The following MTCL2 variants were observed in gnomAD, a reference collection of about 807,000 sequenced individuals.
MTCL2 encodes the protein microtubule cross-linking factor 2.
At chr20:36,837,588 TTA>T in the MTCL2 span, among the ~76,000 whole-genome samples, 2 of 147,830 alleles carry the variant, frequency 1.4e-5, no homozygotes, top group African/African-American at 4.9e-5. Flanking sequence ...ATTATTATTA[TTA>T]TTTTTGAGAC....
At chr20:36,804,068 G>A in the MTCL2 span, among the ~76,000 whole-genome samples, 5 of 151,884 alleles carry the variant, frequency 3.3e-5, no homozygotes, top group Non-Finnish European at 7.4e-5. Context: ...GGGTGACCTT[G>A]GGAGATAAAT....
chr20:36,819,203 G>A, the MTCL2 span, among the ~76,000 whole-genome samples: 3 of 152,342 alleles, frequency 2.0e-5, no homozygotes, highest in African/African-American at 7.2e-5. Context: ...TTAGATGCAC[G>A]ATTCTTTTGA....
the MTCL2 span, chr20:36,812,819 T>G: frequency 6.2e-7 from 1 of 1,612,826 alleles, no homozygotes; most frequent in Non-Finnish European, 8.5e-7. Context: ...GGGCTCCCAT[T>G]CCGGCAGGTC....
At chr20:36,788,303 T>C in the MTCL2 span, among the ~76,000 whole-genome samples, 1 of 151,444 alleles carries the variant, frequency 6.6e-6, no homozygotes, top group Non-Finnish European at 1.5e-5. Flanking sequence ...TGAGCTATGA[T>C]TGTGTCACTG....
At chr20:36,863,100 C>A in the MTCL2 span, 1 of 1,400,242 alleles carries the variant, frequency 7.1e-7, no homozygotes, top group Non-Finnish European at 9.3e-7. The surrounding 1 kb of genome is among the most constrained non-coding windows in gnomAD (Gnocchi z 6.2). Flanking sequence ...ACCCGCACCG[C>A]GCGCCCCGGG....
At chr20:36,799,110 C>T in the MTCL2 span, among the ~76,000 whole-genome samples, 51 of 152,126 alleles carry the variant, frequency 3.4e-4, no homozygotes, top group Non-Finnish European at 4.7e-4. Flanking sequence ...AATCCCAGCA[C>T]TTTGGGAGGC....
chr20:36,780,590 G>T, the MTCL2 span: 2 of 152,312 alleles, frequency 1.3e-5, no homozygotes, highest in East Asian at 3.9e-4. Flanking sequence ...GGCTGGGCTG[G>T]GGACACTGAG....
the MTCL2 span, among the ~76,000 whole-genome samples, chr20:36,822,759 CTT>C: frequency 5.0e-4 from 70 of 141,108 alleles, no homozygotes; most frequent in Middle Eastern, 3.6e-3. Context: ...ACTCTAGATT[CTT>C]TTTTTTTTTT....
the MTCL2 span, among the ~76,000 whole-genome samples, chr20:36,850,172 C>G: frequency 6.6e-6 from 1 of 152,124 alleles, no homozygotes; most frequent in African/African-American, 2.4e-5. Context: ...AATCTGAGCC[C>G]ACCCACTCCC....
At chr20:36,859,663 C>T in the MTCL2 span, 15 of 1,231,796 alleles carry the variant, frequency 1.2e-5, no homozygotes, top group African/African-American at 1.5e-5. Context: ...CAGACCATAC[C>T]AGACTGGAGA....
At chr20:36,823,865 C>T in the MTCL2 span, among the ~76,000 whole-genome samples, 1 of 152,072 alleles carries the variant, frequency 6.6e-6, no homozygotes, top group African/African-American at 2.4e-5. Flanking sequence ...ATATCATTTC[C>T]GCAAGGTTAC....
the MTCL2 span, among the ~76,000 whole-genome samples, chr20:36,788,423 G>A: frequency 2.0e-5 from 3 of 151,296 alleles, no homozygotes; most frequent in East Asian, 5.9e-4. Context: ...AGGCCAAGGC[G>A]GGTGGATCAC....
chr20:36,839,144 G>A, the MTCL2 span: 6 of 1,447,194 alleles, frequency 4.1e-6, no homozygotes, highest in Non-Finnish European at 5.6e-6. This position sits in a 1 kb window ranked among gnomAD's most constrained non-coding sequence, Gnocchi z 5.1. Flanking sequence ...GAAATGAGAT[G>A]CAAGGCCAAC....
At chr20:36,792,873 CA>C in the MTCL2 span, among the ~76,000 whole-genome samples, 2 of 151,000 alleles carry the variant, frequency 1.3e-5, no homozygotes, top group African/African-American at 4.9e-5. Context: ...GACAGACAGA[CA>C]GACAGACAGA....
chr20:36,826,847 C>A, the MTCL2 span, among the ~76,000 whole-genome samples: 125 of 152,032 alleles, frequency 8.2e-4, no homozygotes, highest in African/African-American at 2.4e-3. Context: ...GCTTTCAATT[C>A]TTTTGGGATA....
the MTCL2 span, among the ~76,000 whole-genome samples, chr20:36,838,052 GTT>G: frequency 2.1e-5 from 3 of 139,702 alleles, no homozygotes; most frequent in African/African-American, 2.6e-5. Context: ...ACTTCTCTTT[GTT>G]TTTTTTTTTT....
the MTCL2 span, chr20:36,804,744 A>G: frequency 1.2e-6 from 2 of 1,613,714 alleles, no homozygotes; most frequent in Non-Finnish European, 1.7e-6. Flanking sequence ...CCTGGGAGGT[A>G]TGGCCCTTGA....
At chr20:36,800,141 T>A in the MTCL2 span, among the ~76,000 whole-genome samples, 1 of 152,150 alleles carries the variant, frequency 6.6e-6, no homozygotes, top group Non-Finnish European at 1.5e-5. Flanking sequence ...AGGCTGGAGC[T>A]AGAGGGCCGG....
chr20:36,801,183 G>A, the MTCL2 span, among the ~76,000 whole-genome samples: 4 of 152,044 alleles, frequency 2.6e-5, no homozygotes. Flanking sequence ...TGGGACTACA[G>A]GCACACATTG....
Sources: allele counts gnomAD v4.1 joint callset (sites outside exome capture counted in the v4.1 genomes callset), GRCh38; gene constraint gnomAD v4.1.1; non-coding constraint Gnocchi (gnomAD v3.1); transcripts MANE v1.5; gene names NCBI Gene and HGNC (gene_info 2026-07-23, HGNC 2026-07-21).